KCNQ1: variants seen among roughly 807,000 people sequenced by gnomAD.
KCNQ1 encodes potassium voltage-gated channel subfamily Q member 1, also known as potassium voltage-gated channel subfamily KQT member 1.
Under a neutral mutation model 72.4 loss-of-function variants are expected in KCNQ1, and 49 were observed. That is an observed-to-expected ratio of 0.68 (90% CI 0.54 to 0.86). KCNQ1 has a LOEUF of 0.86. Among genes scored for constraint, KCNQ1 ranks in the 40% least tolerant of loss-of-function variants. The pLI, the probability that KCNQ1 is intolerant of heterozygous loss-of-function variation, is 0.00. For missense variants in KCNQ1, 790 were observed against 945.1 expected (o/e 0.84, Z 2.15); for synonymous variants, 450 against 412.6 (o/e 1.09, Z -1.10).
At chr11:2,672,927 G>A (rs1052031578) in intron 11 of KCNQ1, 1 of 398,624 alleles carries the variant, frequency 2.5e-6, no homozygotes, top group African/African-American at 2.1e-5. Context: ...TGGCCATGCA[G>A]GCCCACCACA....
rs1267330404 is a variant in KCNQ1, at chr11:2,647,467, T to G, written c.1394-14494T>G. 18 of 398,418 alleles carry G rather than the reference T, an allele frequency of 4.5e-5. No homozygotes were observed. In the East Asian group the frequency reaches 6.1e-4, roughly 13 times the overall value. 24.7% of individuals were successfully genotyped at this position (398,418 alleles called of 1,614,324 possible). On this transcript the variant is annotated intron_variant, in intron 10 of 15. Transcript: ENST00000155840. This position sits in a 1 kb window ranked among gnomAD's most constrained non-coding sequence, Gnocchi z 4.0. ...TGGCCTGTAGTTTTCTTTTTTGCTG[T>G]TATTGTGTCCTTATCTGGTTTTGGT... is the stretch of plus-strand genomic sequence containing the variant.
intron 10 of KCNQ1, chr11:2,628,260 A>G (rs1318844550): frequency 7.5e-6 from 3 of 398,520 alleles, no homozygotes; most frequent in Middle Eastern, 6.2e-4. Context: ...ACAAAAATGT[A>G]TAAGGGACAC....
chr11:2,464,715 G>T lies in KCNQ1; in HGVS notation c.386+19231G>T, dbSNP rs963718679. On this transcript the variant is annotated intron_variant, in intron 1 of 15. Transcript: ENST00000155840. This position sits in a 1 kb window ranked among gnomAD's most constrained non-coding sequence, Gnocchi z 5.0. Reference sequence around the variant, plus strand: ...ATTACATGGTCCGTGTTGGACTCTGGGATGCTGGTGGGAAGAACAGTCTGG... The same window carrying T: ...ATTACATGGTCCGTGTTGGACTCTGTGATGCTGGTGGGAAGAACAGTCTGG... Among the ~76,000 whole-genome samples the T allele has an allele frequency of 2.0e-5, 3 of 152,188 alleles. No homozygotes were observed. Among genetic ancestry groups the T allele is most frequent in the Non-Finnish European group, 2.9e-5 (2 of 68,024 alleles).
rs377683729 is a variant in KCNQ1, at chr11:2,827,659, C to T, written c.1795-20108C>T. On this transcript the variant is annotated intron_variant, in intron 15 of 15. Transcript: ENST00000155840. The surrounding 1 kb of genome is among the most constrained non-coding windows in gnomAD (Gnocchi z 6.7). Reference sequence around the variant, plus strand: ...GTGGGGTCGGGGGGGCGGGGGAGAGCGGCTATGGAGACAAGTGGCTGTTTT... The same window carrying T: ...GTGGGGTCGGGGGGGCGGGGGAGAGTGGCTATGGAGACAAGTGGCTGTTTT... 1.3e-4 allele frequency among the ~76,000 whole-genome samples: 20 copies of T among 149,500 alleles called. No homozygotes were observed. The South Asian group carries it at 3.0e-3, about 22-fold the overall frequency.
chr11:2,470,653 C>G (rs61873498), intron 1 of KCNQ1, among the ~76,000 whole-genome samples: 13,030 of 150,274 alleles, frequency 0.087, 756 homozygotes, highest in East Asian at 0.23. Flanking sequence ...AACTCAGCTT[C>G]CAGGGTTTCT....
rs1035998683 is a variant in KCNQ1 at position 2,592,196 on chromosome 11, G to C, written c.1393+3342G>C. ...TTCAGCTCGTGCTCTAGCTGGTGCT[G>C]TGCGGTGTTGGCCCCATTTATAGAT... On this transcript the variant is annotated intron_variant, in intron 10 of 15. Transcript: ENST00000155840. The surrounding 1 kb of genome is among the most constrained non-coding windows in gnomAD (Gnocchi z 5.2). Among the ~76,000 whole-genome samples, 4 of 152,254 alleles carry C rather than the reference G, an allele frequency of 2.6e-5. No homozygotes were observed. Among genetic ancestry groups the C allele is most frequent in the Admixed American group, 6.5e-5 (1 of 15,290 alleles).
At position 2,769,328 on chromosome 11, in the gene KCNQ1, C is replaced by A. The variant is rs1480361351; in HGVS notation, c.1590+409C>A. Among the ~76,000 whole-genome samples the A allele has an allele frequency of 1.3e-5, 2 of 152,136 alleles. No homozygotes were observed. Among genetic ancestry groups the A allele is most frequent in the African/African-American group, 4.8e-5 (2 of 41,412 alleles). On this transcript the variant is annotated intron_variant, in intron 12 of 15. Coordinates refer to ENST00000155840, the MANE Select transcript of KCNQ1 (RefSeq NM_000218.3). This position sits in a 1 kb window ranked among gnomAD's most constrained non-coding sequence, Gnocchi z 4.6. ...AAGCTGGGAAGGCAGGTCCCCCAGACCCCCCAGCCCTGTCCTCCACTGGCT... is the reference window on the plus strand; with the variant it reads ...AAGCTGGGAAGGCAGGTCCCCCAGAACCCCCAGCCCTGTCCTCCACTGGCT...
chr11:2,541,999 C>T lies in KCNQ1; in HGVS notation c.477+13981C>T, dbSNP rs1392391528. On this transcript the variant is annotated intron_variant, in intron 2 of 15. Coordinates refer to ENST00000155840, the MANE Select transcript of KCNQ1 (RefSeq NM_000218.3). The surrounding 1 kb of genome is among the most constrained non-coding windows in gnomAD (Gnocchi z 4.8). ...CCTGGCTTGGGGTGGGCCTCAGAGG[C>T]TGTCGCCGTGCCTGCTGTGGCTCTC... is the stretch of plus-strand genomic sequence containing the variant. Among the ~76,000 whole-genome samples the T allele has an allele frequency of 6.6e-6, 1 of 152,170 alleles. No homozygotes were observed. The highest frequency in any genetic ancestry group is 1.5e-5 in the Non-Finnish European group (1 of 68,032).
chr11:2,480,522 T>C lies in KCNQ1; in HGVS notation c.386+35038T>C, dbSNP rs568371667. Among the ~76,000 whole-genome samples the C allele has an allele frequency of 2.0e-5, 3 of 152,286 alleles. No individual in the cohort carries two copies. In the South Asian group the frequency reaches 6.2e-4, roughly 32 times the overall value. On this transcript the variant is annotated intron_variant, in intron 1 of 15. Coordinates refer to ENST00000155840, the MANE Select transcript of KCNQ1 (RefSeq NM_000218.3). ...ACTTAATTCACTACCACGAGAACAA[T>C]ATGGGAGAAACTGCCCCCATGGTTC...
In KCNQ1 at chr11:2,762,954, A is replaced by T. The variant is rs1846431214; in HGVS notation, c.1515-5890A>T. Among the ~76,000 whole-genome samples the T allele has an allele frequency of 6.6e-6, 1 of 151,962 alleles. No homozygotes were observed. On this transcript the variant is annotated intron_variant, in intron 11 of 15. Coordinates refer to ENST00000155840, the MANE Select transcript of KCNQ1 (RefSeq NM_000218.3). The surrounding 1 kb of genome is among the most constrained non-coding windows in gnomAD (Gnocchi z 4.3). Reference sequence around the variant, plus strand: ...TAATCAAGCCCTGTGGCCTCATGAAACCCTAGGAGTGTCAGACCTCTGACT... The same window carrying T: ...TAATCAAGCCCTGTGGCCTCATGAATCCCTAGGAGTGTCAGACCTCTGACT...
intron 11 of KCNQ1, among the ~76,000 whole-genome samples, chr11:2,709,608 C>G (rs1341719443): frequency 6.6e-6 from 1 of 152,048 alleles, no homozygotes; most frequent in Non-Finnish European, 1.5e-5. Context: ...CTAAAAGCAA[C>G]CCTGCATTCT....
rs146056271 is a variant in KCNQ1 at position 2,645,088 on chromosome 11, C to T, written c.1394-16873C>T. The T allele has an allele frequency of 1.4e-4, 57 of 398,604 alleles. No individual in the cohort carries two copies. In the East Asian group the frequency reaches 1.9e-3, roughly 13 times the overall value. The allele number at this position is 398,604 out of a possible 1,614,324, so 24.7% of individuals were successfully genotyped here. On this transcript the variant is annotated intron_variant, in intron 10 of 15. Coordinates refer to ENST00000155840, the MANE Select transcript of KCNQ1 (RefSeq NM_000218.3). This position sits in a 1 kb window ranked among gnomAD's most constrained non-coding sequence, Gnocchi z 5.8. ...AGCTGGGCCACAGGGTGGGTAGGTC[C>T]TTGAGCTCTGAGCAGCAGATATGGC...
Position 2,623,154 on chromosome 11 carries a change from A to T in KCNQ1, c.1393+34300A>T, listed in dbSNP as rs1363269456. 10 of 398,510 alleles carry T rather than the reference A, an allele frequency of 2.5e-5. No homozygotes were observed. Among genetic ancestry groups the T allele is most frequent in the Non-Finnish European group, 4.0e-5 (9 of 226,166 alleles). 24.7% of individuals were successfully genotyped at this position (398,510 alleles called of 1,614,324 possible). A position where few individuals can be genotyped will look rare whatever the true frequency, so the allele number is the denominator to read the frequency against. ...CTTTCTTTCCCTCTCCTGTTCTGCC[A>T]TGGTAAAGATGTGCCTGCTTCTCCT... On this transcript the variant is annotated intron_variant, in intron 10 of 15. Coordinates refer to ENST00000155840, the MANE Select transcript of KCNQ1 (RefSeq NM_000218.3). This position sits in a 1 kb window ranked among gnomAD's most constrained non-coding sequence, Gnocchi z 5.2.
intron 1 of KCNQ1, among the ~76,000 whole-genome samples, chr11:2,512,380 G>C (rs1197649737): frequency 6.6e-6 from 1 of 152,150 alleles, no homozygotes; most frequent in Non-Finnish European, 1.5e-5. Context: ...CAGGAGAACT[G>C]TCTGTCTCCT....
At chr11:2,791,228 G>A (rs1272233455) in intron 15 of KCNQ1, among the ~76,000 whole-genome samples, 1 of 152,208 alleles carries the variant, frequency 6.6e-6, no homozygotes, top group African/African-American at 2.4e-5. Context: ...GGTGGCCGGA[G>A]CCCGCAGCGG....
intron 11 of KCNQ1, among the ~76,000 whole-genome samples, chr11:2,708,999 T>A (rs1358762727): frequency 6.6e-6 from 1 of 152,064 alleles, no homozygotes; most frequent in Non-Finnish European, 1.5e-5. Context: ...GAGAAGCATA[T>A]GTTTAAAAGA....
rs530023220 is a variant in KCNQ1, at chr11:2,564,628, C to T, written c.478-6000C>T. On this transcript the variant is annotated intron_variant, in intron 2 of 15. Transcript: ENST00000155840. This position sits in a 1 kb window ranked among gnomAD's most constrained non-coding sequence, Gnocchi z 4.5. ...ATAAAATGGAAATATGTTTTACCAT[C>T]TTAACCCTTTTTAAGATCACAGTTC... is the stretch of plus-strand genomic sequence containing the variant. 3.9e-5 allele frequency among the ~76,000 whole-genome samples: 6 copies of T among 152,348 alleles called. No individual in the cohort carries two copies. Among genetic ancestry groups the T allele is most frequent in the African/African-American group, 1.4e-4 (6 of 41,580 alleles).
At chr11:2,831,788 G>A (rs1847957449) in intron 15 of KCNQ1, among the ~76,000 whole-genome samples, 1 of 147,032 alleles carries the variant, frequency 6.8e-6, no homozygotes, top group Admixed American at 6.9e-5. Flanking sequence ...AGCCCTGGAA[G>A]GCTAGGTACA....
rs36210419 is a variant in KCNQ1 at position 2,571,372 on chromosome 11, A to G, written c.652A>G (p.Lys218Glu). Residue 218 changes from lysine (K) to glutamate (E), a missense_variant, in exon 4 of 16, where the codon AAG becomes GAG. Lys to Glu is a moderately conservative substitution (Grantham distance 56). Transcript: ENST00000155840. ...CATGGTGGTCCTCTGCGTGGGCTCCAAGGGGCAGGTGTTTGCCACGTCGGC... is the reference window on the plus strand; with the variant it reads ...CATGGTGGTCCTCTGCGTGGGCTCCGAGGGGCAGGTGTTTGCCACGTCGGC... ...ASMVVLCVGS[K>E]GQVFATSAIR... 1 of 1,612,948 alleles carries G rather than the reference A, an allele frequency of 6.2e-7. No homozygotes were observed. The highest frequency in any genetic ancestry group is 8.5e-7 in the Non-Finnish European group (1 of 1,179,956).
Sources: allele counts gnomAD v4.1 joint callset (sites outside exome capture counted in the v4.1 genomes callset), GRCh38; gene constraint gnomAD v4.1.1; non-coding constraint Gnocchi (gnomAD v3.1); transcripts MANE v1.5; gene names NCBI Gene and HGNC (gene_info 2026-07-23, HGNC 2026-07-21).